IPO11: variants seen among roughly 807,000 people sequenced by gnomAD.
IPO11 encodes importin 11, also known as importin-11.
In IPO11, 66 loss-of-function variants were observed where a neutral mutation model predicts 143.2. That is an observed-to-expected ratio of 0.46 (90% CI 0.38 to 0.57). The LOEUF (loss-of-function observed/expected upper bound fraction) is 0.57. IPO11 is among the 20% of genes least tolerant of loss of function. The probability of loss-of-function intolerance (pLI) is 0.00; values close to 1 mark genes in which losing one functional copy is unlikely to be tolerated. For synonymous variants in IPO11, 385 were observed against 377.8 expected (o/e 1.02, Z -0.22); for missense variants, 1,026 against 1,141.0 (o/e 0.90, Z 1.45).
intron 12 of IPO11, 117 bp downstream of exon 12, chr5:62,485,579 C>T (rs1746368553): frequency 1.2e-6 from 1 of 831,562 alleles, no homozygotes; most frequent in Non-Finnish European, 1.9e-6. Flanking sequence ...GTGGCTCACA[C>T]TTTAATCCTA....
chr5:62,459,034 G>A (rs2112176419), intron 5 of IPO11, among the ~76,000 whole-genome samples: 1 of 152,138 alleles, frequency 6.6e-6, no homozygotes, highest in African/African-American at 2.4e-5. Context: ...CACTTCACGG[G>A]ATGCCTGAGA....
chr5:62,606,842 C>CT (rs1234839133), intron 29 of IPO11, among the ~76,000 whole-genome samples: 3 of 152,232 alleles, frequency 2.0e-5, no homozygotes, highest in African/African-American at 2.4e-5. Context: ...CTCTGGCAAG[C>CT]TTGGCATCAT....
chr5:62,579,666 T>G, intron 27 of IPO11: 1 of 1,546,792 alleles, frequency 6.5e-7, no homozygotes, highest in Non-Finnish European at 8.7e-7. Flanking sequence ...CTTATATAAA[T>G]GAAAGTGAAT....
chr5:62,572,185 G>A (rs1265227448), intron 27 of IPO11, among the ~76,000 whole-genome samples: 2 of 151,958 alleles, frequency 1.3e-5, no homozygotes, highest in Non-Finnish European at 2.9e-5. Context: ...AGTCATTTTT[G>A]TTAGTCTGAT....
chr5:62,490,932 T>TA (rs1417449727), intron 15 of IPO11, among the ~76,000 whole-genome samples: 2 of 152,168 alleles, frequency 1.3e-5, no homozygotes, highest in Non-Finnish European at 2.9e-5. Flanking sequence ...GCCCAATTCT[T>TA]ACGTTTTATA....
At chr5:62,538,147 G>A (rs935699424) in intron 24 of IPO11, among the ~76,000 whole-genome samples, 2 of 152,118 alleles carry the variant, frequency 1.3e-5, no homozygotes, top group Admixed American at 6.5e-5. Context: ...TGTGAAAATC[G>A]TGGCATTGCT....
intron 29 of IPO11, among the ~76,000 whole-genome samples, chr5:62,610,980 G>C (rs920892365): frequency 1.6e-4 from 25 of 152,036 alleles, no homozygotes; most frequent in African/African-American, 5.8e-4. Context: ...TCTATGCTTT[G>C]CTCACATTCT....
intron 22 of IPO11, among the ~76,000 whole-genome samples, chr5:62,531,753 G>A (rs1742553160): frequency 6.6e-6 from 1 of 152,132 alleles, no homozygotes. Flanking sequence ...GACCATGGTG[G>A]TTAGATAATG....
chr5:62,619,183 C>G (rs953009147), intron 29 of IPO11, among the ~76,000 whole-genome samples: 5 of 152,148 alleles, frequency 3.3e-5, no homozygotes, highest in Admixed American at 6.5e-5. Flanking sequence ...GAGCCAAGAT[C>G]TCACCACTGC....
intron 26 of IPO11, among the ~76,000 whole-genome samples, chr5:62,554,894 T>C (rs1458061340): frequency 1.3e-5 from 2 of 152,166 alleles, no homozygotes; most frequent in Non-Finnish European, 2.9e-5. Flanking sequence ...TTTTGTATTT[T>C]AGTAGAGATG....
intron 26 of IPO11, among the ~76,000 whole-genome samples, chr5:62,556,782 T>C (rs146213842): frequency 1.8e-3 from 280 of 152,330 alleles, no homozygotes; most frequent in African/African-American, 6.5e-3. Context: ...TTTTTATTAC[T>C]TCTCATTGTC....
chr5:62,462,018 ATTAC>A (rs1251977121), intron 5 of IPO11, among the ~76,000 whole-genome samples: 13 of 152,214 alleles, frequency 8.5e-5, no homozygotes, highest in Admixed American at 8.5e-4. Flanking sequence ...CATATTAAGT[ATTAC>A]TTTCTAGGGA....
chr5:62,473,578 TG>T (rs1339206751), intron 7 of IPO11, among the ~76,000 whole-genome samples: 1 of 152,146 alleles, frequency 6.6e-6, no homozygotes, highest in African/African-American at 2.4e-5. Flanking sequence ...AGAGGAATTG[TG>T]GCATTCTAGA....
chr5:62,418,311 G>T (rs929645360), intron 1 of IPO11, among the ~76,000 whole-genome samples: 1 of 151,974 alleles, frequency 6.6e-6, no homozygotes, highest in Non-Finnish European at 1.5e-5. Context: ...GATTACAGAC[G>T]TGCGCCACCA....
chr5:62,422,079 C>G (rs949874400), intron 1 of IPO11, among the ~76,000 whole-genome samples: 2 of 152,256 alleles, frequency 1.3e-5, no homozygotes, highest in Middle Eastern at 6.8e-3. Flanking sequence ...TAATCAAAAT[C>G]AGTTTTATAG....
chr5:62,606,459 C>A (rs1036987169), intron 29 of IPO11, among the ~76,000 whole-genome samples: 6 of 104,554 alleles, frequency 5.7e-5, no homozygotes, highest in Non-Finnish European at 1.0e-4. Flanking sequence ...CCAGCCTAGA[C>A]AACAGAACGA....
At chr5:62,428,958 C>T (rs1377783813) in intron 1 of IPO11, among the ~76,000 whole-genome samples, 1 of 152,212 alleles carries the variant, frequency 6.6e-6, no homozygotes, top group South Asian at 2.1e-4. Context: ...CGCCACTGCA[C>T]ATGGCCATCT....
At chr5:62,503,388 ATCT>A (rs1225704076) in intron 16 of IPO11, among the ~76,000 whole-genome samples, 9 of 145,646 alleles carry the variant, frequency 6.2e-5, no homozygotes, top group African/African-American at 2.3e-4. Flanking sequence ...TATTAATAGT[ATCT>A]ATTAATATAT....
chr5:62,554,170 A>G (rs1157211428), intron 26 of IPO11, among the ~76,000 whole-genome samples: 2 of 152,220 alleles, frequency 1.3e-5, no homozygotes, highest in African/African-American at 2.4e-5. Context: ...TGTATTTCGG[A>G]TAGTAATCCT....
Sources: allele counts gnomAD v4.1 joint callset (sites outside exome capture counted in the v4.1 genomes callset), GRCh38; gene constraint gnomAD v4.1.1; transcripts MANE v1.5; gene names NCBI Gene and HGNC (gene_info 2026-07-23, HGNC 2026-07-21).